The following NELL1 variants were observed in gnomAD, a reference collection of about 807,000 sequenced individuals.
NELL1 encodes protein kinase C-binding protein NELL1.
Under a neutral mutation model 107.4 loss-of-function variants are expected in NELL1, and 76 were observed. The observed-to-expected ratio is 0.71, with a 90% CI of 0.59 to 0.86. The LOEUF is 0.86. NELL1 is among the 40% of genes least tolerant of loss of function. The probability of loss-of-function intolerance (pLI) is 0.00; values close to 1 mark genes in which losing one functional copy is unlikely to be tolerated. For missense variants in NELL1, 1,024 were observed against 1,005.5 expected (o/e 1.02, Z -0.25); for synonymous variants, 353 against 341.2 (o/e 1.03, Z -0.38).
chr11:20,756,972 A>T (rs1856309688), intron 2 of NELL1, among the ~76,000 whole-genome samples: 1 of 152,096 alleles, frequency 6.6e-6, no homozygotes, highest in African/African-American at 2.4e-5. Context: ...TATTGGAGGA[A>T]CTAAGACTGT....
intron 2 of NELL1, among the ~76,000 whole-genome samples, chr11:20,729,706 G>A (rs1399810989): frequency 6.6e-6 from 1 of 151,996 alleles, no homozygotes; most frequent in Non-Finnish European, 1.5e-5. Flanking sequence ...CTATCTCCAT[G>A]GTTAAAGACC....
rs1180556024 is a variant in NELL1, at chr11:20,919,287, C to T, written c.712C>T (p.Gln238Ter). Residue 238 changes from glutamine (Q) to a stop codon, truncating the protein, a stop_gained, in exon 7 of 20, where the codon CAA becomes TAA. Coordinates refer to ENST00000357134, the MANE Select transcript of NELL1 (RefSeq NM_006157.5). LOFTEE classifies it high-confidence loss of function. ...CTGCAGTGATTTCTTAAGCCTGGTGCAAGGAATAATGGATTTACAAGAGCT... is the reference window on the plus strand; with the variant it reads ...CTGCAGTGATTTCTTAAGCCTGGTGTAAGGAATAATGGATTTACAAGAGCT... ...PTCSDFLSLV[Q>*]GIMDLQELLA... 1.2e-6 allele frequency: 2 copies of T among 1,605,790 alleles called. No individual in the cohort carries two copies. Among genetic ancestry groups the T allele is most frequent in the Non-Finnish European group, 1.7e-6 (2 of 1,175,112 alleles).
rs546204930 is a variant in NELL1, at chr11:20,973,791, G to A, written c.1300+13231G>A. 4.8e-4 allele frequency among the ~76,000 whole-genome samples: 73 copies of A among 152,298 alleles called. 1 individual carries two copies. Among genetic ancestry groups the A allele is most frequent in the African/African-American group, 1.7e-3 (70 of 41,568 alleles). On this transcript the variant is annotated intron_variant, in intron 12 of 19. Transcript: ENST00000357134. ...TAACAGTTTCTAAGGAGCTGCTATA[G>A]AGATTCAGGGACTTTTCCCATTCAT...
chr11:20,691,560 G>C (rs1274575688), intron 2 of NELL1, among the ~76,000 whole-genome samples: 3 of 152,056 alleles, frequency 2.0e-5, no homozygotes, highest in Non-Finnish European at 4.4e-5. Flanking sequence ...TTTTGTCTTT[G>C]GTTCTGTTTG....
intron 12 of NELL1, among the ~76,000 whole-genome samples, chr11:20,962,389 A>AG (rs1191898855): frequency 1.3e-5 from 2 of 152,204 alleles, no homozygotes; most frequent in Non-Finnish European, 2.9e-5. Flanking sequence ...TCCTATATGC[A>AG]GGGATAGACG....
chr11:21,224,954 T>C (rs1857854935), intron 13 of NELL1, among the ~76,000 whole-genome samples: 1 of 152,344 alleles, frequency 6.6e-6, no homozygotes, highest in African/African-American at 2.4e-5. Context: ...AGTCATTTCA[T>C]AGACTTCATT....
intron 12 of NELL1, among the ~76,000 whole-genome samples, chr11:21,111,570 G>A (rs1376475543): frequency 6.6e-6 from 1 of 152,054 alleles, no homozygotes; most frequent in African/African-American, 2.4e-5. Context: ...GGTATATGGT[G>A]GCTTGCTCCT....
At chr11:21,505,246 T>G (rs561565290) in intron 15 of NELL1, among the ~76,000 whole-genome samples, 2 of 152,300 alleles carry the variant, frequency 1.3e-5, no homozygotes, top group Admixed American at 1.3e-4. Flanking sequence ...ATCTATGCAG[T>G]AATCCTACCT....
At chr11:20,733,478 G>A (rs1327089215) in intron 2 of NELL1, among the ~76,000 whole-genome samples, 3 of 152,184 alleles carry the variant, frequency 2.0e-5, no homozygotes, top group Non-Finnish European at 2.9e-5. Context: ...GGAGAAGCAG[G>A]AACAGATGAG....
intron 14 of NELL1, among the ~76,000 whole-genome samples, chr11:21,313,960 GGTT>G (rs1228291598): frequency 6.8e-6 from 1 of 146,870 alleles, no homozygotes; most frequent in Non-Finnish European, 1.5e-5. Context: ...TGCGAGATCT[GGTT>G]GTTTAAAAGT....
At chr11:21,329,370 C>T (rs1850222149) in intron 14 of NELL1, among the ~76,000 whole-genome samples, 1 of 152,122 alleles carries the variant, frequency 6.6e-6, no homozygotes, top group Admixed American at 6.6e-5. Context: ...TTGTAAGTTT[C>T]ATGAGACCTC....
intron 14 of NELL1, among the ~76,000 whole-genome samples, chr11:21,286,854 A>G (rs192765203): frequency 2.0e-5 from 3 of 152,330 alleles, no homozygotes; most frequent in East Asian, 3.9e-4. Context: ...TGGCTGGTAC[A>G]TAATGCATGG....
intron 3 of NELL1, among the ~76,000 whole-genome samples, chr11:20,836,721 T>A (rs1848540760): frequency 1.3e-5 from 2 of 152,036 alleles, no homozygotes; most frequent in Non-Finnish European, 2.9e-5. Flanking sequence ...TCATTCCATT[T>A]ATATGACACT....
intron 12 of NELL1, among the ~76,000 whole-genome samples, chr11:21,006,263 G>T (rs1254720528): frequency 6.6e-6 from 1 of 152,012 alleles, no homozygotes; most frequent in African/African-American, 2.4e-5. Flanking sequence ...CCCATGATGG[G>T]ACTGGTGGCT....
intron 18 of NELL1, among the ~76,000 whole-genome samples, chr11:21,571,942 A>T (rs1198794484): frequency 6.6e-6 from 1 of 151,908 alleles, no homozygotes; most frequent in Non-Finnish European, 1.5e-5. Flanking sequence ...ACAAGTATTC[A>T]GATAAATTAT....
At chr11:21,065,009 G>T (rs1262750830) in intron 12 of NELL1, among the ~76,000 whole-genome samples, 1 of 152,118 alleles carries the variant, frequency 6.6e-6, no homozygotes, top group Non-Finnish European at 1.5e-5. Flanking sequence ...AGAGTTTAAT[G>T]ATACAGTGGT....
At chr11:21,191,919 C>T (rs1189614687) in intron 13 of NELL1, among the ~76,000 whole-genome samples, 1 of 151,830 alleles carries the variant, frequency 6.6e-6, no homozygotes, top group Non-Finnish European at 1.5e-5. Context: ...ATTTAGCTTA[C>T]ACATTCCAAA....
At chr11:21,271,027 G>A (rs1458748963) in intron 14 of NELL1, among the ~76,000 whole-genome samples, 1 of 151,972 alleles carries the variant, frequency 6.6e-6, no homozygotes, top group African/African-American at 2.4e-5. Flanking sequence ...GCTTAGCATT[G>A]AATGCACATA....
chr11:21,107,774 G>T (rs1190623461), intron 12 of NELL1, among the ~76,000 whole-genome samples: 2 of 152,164 alleles, frequency 1.3e-5, no homozygotes, highest in African/African-American at 4.8e-5. Context: ...AGAAGTGATG[G>T]TTGGCTAAAG....
Sources: allele counts gnomAD v4.1 joint callset (sites outside exome capture counted in the v4.1 genomes callset), GRCh38; gene constraint gnomAD v4.1.1; transcripts MANE v1.5; gene names NCBI Gene and HGNC (gene_info 2026-07-23, HGNC 2026-07-21).